CSF3R: variants seen among roughly 807,000 people sequenced by gnomAD.
CSF3R encodes granulocyte colony-stimulating factor receptor.
Under a neutral mutation model 84.4 loss-of-function variants are expected in CSF3R, and 52 were observed. The observed-to-expected ratio is 0.62, with a 90% CI of 0.49 to 0.78. The LOEUF (loss-of-function observed/expected upper bound fraction) is 0.78, where lower values mean the gene tolerates loss of function less well. Ranked by LOEUF, CSF3R falls within the 30% of genes least tolerant of loss-of-function variation. The pLI is 0.00. For synonymous variants in CSF3R, 384 were observed against 429.1 expected (o/e 0.89, Z 1.30); for missense variants, 890 against 1,055.7 (o/e 0.84, Z 2.17).
chr1:36,471,365 C>T lies in CSF3R; in HGVS notation c.1285+68G>A. 3 of 1,491,464 alleles carry T rather than the reference C, an allele frequency of 2.0e-6. No individual in the cohort carries two copies. In the South Asian group the frequency reaches 3.4e-5, roughly 17 times the overall value. 92.4% of individuals were successfully genotyped at this position (1,491,464 alleles called of 1,614,324 possible). ...CCCGGCCAATAGGACTAGATTTAAC[C>T]CAGGCAGTCTAGCCTTTGAATTGAT... On this transcript the variant is annotated intron_variant, in intron 10 of 16. Coordinates refer to ENST00000373106, the MANE Select transcript of CSF3R (RefSeq NM_000760.4).
chr1:36,475,575 G>T lies in CSF3R; in HGVS notation c.163C>A (p.Leu55Met). 1 of 1,613,448 alleles carries T rather than the reference G, an allele frequency of 6.2e-7. No homozygotes were observed. Among genetic ancestry groups the T allele is most frequent in the Non-Finnish European group, 8.5e-7 (1 of 1,179,440 alleles). The change falls in exon 4 of 17, where the codon CTG becomes ATG. Residue 55 changes from leucine to methionine, a missense_variant. Leu to Met is a conservative substitution (Grantham distance 15). Coordinates refer to ENST00000373106, the MANE Select transcript of CSF3R (RefSeq NM_000760.4). ...CACAGAATCTGTGGCTCCGGGTCCA[G>T]ATGGCTGCAGTTCTGCTTGATGATG... ...SCIIKQNCSH[L>M]DPEPQILWRL...
At chr1:36,471,066 G>T (rs1470438064) in intron 10 of CSF3R, among the ~76,000 whole-genome samples, 3 of 151,590 alleles carry the variant, frequency 2.0e-5, no homozygotes, top group South Asian at 2.1e-4. Flanking sequence ...GTTTTTTTGA[G>T]ATGGAGTCTC....
At chr1:36,470,808 A>AGTGT (rs139134824) in intron 10 of CSF3R, among the ~76,000 whole-genome samples, 1 of 151,648 alleles carries the variant, frequency 6.6e-6, no homozygotes, top group East Asian at 1.9e-4. Context: ...ATGGGCTGTG[A>AGTGT]GTGTGTGTGT....
Position 36,467,489 on chromosome 1 carries a change from G to A in CSF3R, c.1958+69C>T. On this transcript the variant is annotated intron_variant, in intron 15 of 16. Transcript: ENST00000373106. This position sits in a 1 kb window ranked among gnomAD's most constrained non-coding sequence, Gnocchi z 4.1. ...GGGAAGGCTGGAAGGGACTTAGATG[G>A]GCCCATCTGGACCTGAGGTTCCCTG... 6.6e-7 allele frequency: 1 copy of A among 1,507,606 alleles called. No homozygotes were observed. Among genetic ancestry groups the A allele is most frequent in the East Asian group, 2.3e-5 (1 of 44,116 alleles). 93.4% of individuals were successfully genotyped at this position (1,507,606 alleles called of 1,614,324 possible).
In CSF3R at chr1:36,466,201, C is replaced by G. The variant is rs1650296189; in HGVS notation, c.*156G>C. ...ATGCAGATCGCCTGGGAGGCCCAGC[C>G]TATGGAGATTGGGAGGAGAGGGAGA... On this transcript the variant is annotated 3_prime_UTR_variant, in exon 17 of 17. Coordinates refer to ENST00000373106, the MANE Select transcript of CSF3R (RefSeq NM_000760.4). The surrounding 1 kb of genome is among the most constrained non-coding windows in gnomAD (Gnocchi z 4.6). The G allele has an allele frequency of 1.9e-6, 3 of 1,614,144 alleles. No homozygotes were observed. The highest frequency in any genetic ancestry group is 2.5e-6 in the Non-Finnish European group (3 of 1,180,014).
intron 10 of CSF3R, 35 bp from the exon 11 acceptor site, chr1:36,469,875 G>A: frequency 6.2e-7 from 1 of 1,608,466 alleles, no homozygotes; most frequent in Non-Finnish European, 8.5e-7. Flanking sequence ...GAATGAAGGT[G>A]AAAAGAATGC....
Position 36,473,889 on chromosome 1 carries a change from TG to T in CSF3R, c.362-3del. 1 of 1,614,018 alleles carries T rather than the reference TG, an allele frequency of 6.2e-7. No individual in the cohort carries two copies. Among genetic ancestry groups the T allele is most frequent in the Non-Finnish European group, 8.5e-7 (1 of 1,179,958 alleles). On this transcript the variant is annotated splice_polypyrimidine_tract_variant and splice_region_variant and intron_variant, in intron 4 of 16. Coordinates refer to ENST00000373106, the MANE Select transcript of CSF3R (RefSeq NM_000760.4). ...GGTTGTGGGGTATGGCTGGAGGGTC[TG>T]CATGTGGGTGGGAAGAGTGTGAGGG... is the stretch of plus-strand genomic sequence containing the variant.
At chr1:36,470,366 G>A (rs1204032301) in intron 10 of CSF3R, among the ~76,000 whole-genome samples, 1 of 152,000 alleles carries the variant, frequency 6.6e-6, no homozygotes, top group Non-Finnish European at 1.5e-5. Context: ...TGTATTTGTA[G>A]TAGAGATGGG....
In CSF3R at chr1:36,467,929, A is replaced by G. The variant is rs1650440390; in HGVS notation, c.1757T>C (p.Val586Ala). Residue 586 changes from valine (V) to alanine (A), a missense_variant, in exon 14 of 17, where the codon GTC becomes GCC. Physicochemically the swap from Val to Ala is moderately conservative, Grantham distance 64 (BLOSUM62 0). Transcript: ENST00000373106. The surrounding 1 kb of genome is among the most constrained non-coding windows in gnomAD (Gnocchi z 4.1). Reference sequence around the variant, plus strand: ...ACTGGCGGGCTCCAGGCCATGGAGGACAAAGCCACGGGAGGAGGCATTCAG... The same window carrying G: ...ACTGGCGGGCTCCAGGCCATGGAGGGCAAAGCCACGGGAGGAGGCATTCAG... ...AILNASSRGF[V>A]LHGLEPASLY... is the part of the protein sequence containing the mutation. 1 of 1,614,086 alleles carries G rather than the reference A, an allele frequency of 6.2e-7. No homozygotes were observed. Among genetic ancestry groups the G allele is most frequent in the Non-Finnish European group, 8.5e-7 (1 of 1,180,048 alleles).
chr1:36,480,847 C>T (rs534528584), intron 2 of CSF3R, among the ~76,000 whole-genome samples: 3 of 152,274 alleles, frequency 2.0e-5, no homozygotes, highest in South Asian at 2.1e-4. Context: ...ACTGCTAGCC[C>T]GTAAGTCTCC....
In CSF3R at chr1:36,472,856, G is replaced by A. The variant is rs994396858; in HGVS notation, c.674-170C>T. ...TGTTTCTCTCTAGGTCTCTGTTTCC[G>A]CTCTTGCCCCAGGGCCTTTGCACTG... On this transcript the variant is annotated intron_variant, in intron 6 of 16. Coordinates refer to ENST00000373106, the MANE Select transcript of CSF3R (RefSeq NM_000760.4). The surrounding 1 kb of genome is among the most constrained non-coding windows in gnomAD (Gnocchi z 5.0). The A allele has an allele frequency of 6.1e-6, 5 of 821,530 alleles. No homozygotes were observed. The highest frequency in any genetic ancestry group is 2.7e-5 in the East Asian group (1 of 36,394). The allele number at this position is 821,530 out of a possible 1,614,324, so 50.9% of individuals were successfully genotyped here. A position where few individuals can be genotyped will look rare whatever the true frequency, so the allele number is the denominator to read the frequency against.
In CSF3R at chr1:36,466,135, A is replaced by G. The variant is rs199810615; in HGVS notation, c.*222T>C. ...TTATAGGAAACAAGCACAAAAGGCCATTGGGTGGGGCTGGATGGAGCATGA... is the reference window on the plus strand; with the variant it reads ...TTATAGGAAACAAGCACAAAAGGCCGTTGGGTGGGGCTGGATGGAGCATGA... On this transcript the variant is annotated 3_prime_UTR_variant, in exon 17 of 17. Transcript: ENST00000373106. This position sits in a 1 kb window ranked among gnomAD's most constrained non-coding sequence, Gnocchi z 4.6. 1.9e-6 allele frequency: 3 copies of G among 1,614,182 alleles called. No individual in the cohort carries two copies. In the East Asian group the frequency reaches 6.7e-5, roughly 36 times the overall value.
At position 36,466,988 on chromosome 1, in the gene CSF3R, GC is replaced by G; in HGVS notation, c.2041-162del. 6.5e-7 allele frequency: 1 copy of G among 1,538,884 alleles called. No homozygotes were observed. Among genetic ancestry groups the G allele is most frequent in the Non-Finnish European group, 8.9e-7 (1 of 1,125,454 alleles). On this transcript the variant is annotated intron_variant, in intron 16 of 16. Transcript: ENST00000373106. This position sits in a 1 kb window ranked among gnomAD's most constrained non-coding sequence, Gnocchi z 4.6. ...AAGCACTAGTATGTTCCTCACACAT[GC>G]CTGACACATGCCATGCACCGTTCAG...
Position 36,466,814 on chromosome 1 carries a change from A to C in CSF3R, c.2054T>G (p.Leu685Arg), listed in dbSNP as rs750080093. The change falls in exon 17 of 17, where the codon CTG becomes CGG. Residue 685 changes from leucine (L) to arginine (R), a missense_variant. Coordinates refer to ENST00000373106, the MANE Select transcript of CSF3R (RefSeq NM_000760.4). The surrounding 1 kb of genome is among the most constrained non-coding windows in gnomAD (Gnocchi z 4.6). ...GATGGGTGGCGTGCCAAGGCCGGGC[A>C]GCTGGAAGGCATCCTGCACACAAGG... is the stretch of plus-strand genomic sequence containing the variant. ...PTIMEEDAFQ[L>R]PGLGTPPITK... is the part of the protein sequence containing the mutation. 6.2e-7 allele frequency: 1 copy of C among 1,614,212 alleles called. No individual in the cohort carries two copies. The highest frequency in any genetic ancestry group is 1.1e-5 in the South Asian group (1 of 91,086).
At position 36,472,882 on chromosome 1, in the gene CSF3R, G is replaced by A. The variant is rs1650866535; in HGVS notation, c.674-196C>T. On this transcript the variant is annotated intron_variant, in intron 6 of 16. Coordinates refer to ENST00000373106, the MANE Select transcript of CSF3R (RefSeq NM_000760.4). The surrounding 1 kb of genome is among the most constrained non-coding windows in gnomAD (Gnocchi z 5.0). ...CTCTTGCCCCAGGGCCTTTGCACTGGTTGTTACTTCTGCTTGAAATGTTTT... is the reference window on the plus strand; with the variant it reads ...CTCTTGCCCCAGGGCCTTTGCACTGATTGTTACTTCTGCTTGAAATGTTTT... 2 of 632,184 alleles carry A rather than the reference G, an allele frequency of 3.2e-6. No individual in the cohort carries two copies. Among genetic ancestry groups the A allele is most frequent in the Admixed American group, 3.6e-5 (1 of 28,072 alleles). 39.2% of individuals were successfully genotyped at this position (632,184 alleles called of 1,614,324 possible). A position where few individuals can be genotyped will look rare whatever the true frequency, so the allele number is the denominator to read the frequency against.
chr1:36,473,330 G>T, intron 6 of CSF3R, 105 bp downstream of exon 6: 3 of 1,312,632 alleles, frequency 2.3e-6, no homozygotes, highest in East Asian at 2.3e-5. Context: ...TCTGTCTCTA[G>T]GTCTTCCAGT....
At chr1:36,473,149 TC>T in intron 6 of CSF3R, 2 of 467,808 alleles carry the variant, frequency 4.3e-6, no homozygotes, top group Non-Finnish European at 7.6e-6. Context: ...ATGCTTTGTA[TC>T]CCCAGTACCT....
intron 12 of CSF3R, chr1:36,468,594 C>T (rs773787402): frequency 3.7e-5 from 8 of 215,012 alleles, no homozygotes; most frequent in South Asian, 1.5e-4. Flanking sequence ...AGTGCAGTGG[C>T]GCCATCTTGG....
Position 36,472,749 on chromosome 1 carries a change from C to G in CSF3R, c.674-63G>C. The G allele has an allele frequency of 6.2e-6, 9 of 1,463,040 alleles. No homozygotes were observed. Among genetic ancestry groups the G allele is most frequent in the Non-Finnish European group, 8.2e-6 (9 of 1,102,548 alleles). 90.6% of individuals were successfully genotyped at this position (1,463,040 alleles called of 1,614,324 possible). On this transcript the variant is annotated intron_variant, in intron 6 of 16. Transcript: ENST00000373106. This position sits in a 1 kb window ranked among gnomAD's most constrained non-coding sequence, Gnocchi z 5.0. ...CACCCTAGAGGGCTCTGCCTTAGCT[C>G]CCTCTTGTCTCCCTGTCTGTGGTTC...
Sources: allele counts gnomAD v4.1 joint callset (sites outside exome capture counted in the v4.1 genomes callset), GRCh38; gene constraint gnomAD v4.1.1; non-coding constraint Gnocchi (gnomAD v3.1); transcripts MANE v1.5; gene names NCBI Gene and HGNC (gene_info 2026-07-23, HGNC 2026-07-21).